The following LRP2 variants were observed in gnomAD, a reference collection of about 807,000 sequenced individuals.
LRP2 encodes LDL receptor related protein 2.
A neutral mutation model predicts 531.0 loss-of-function variants in LRP2; 172 were observed. The observed-to-expected ratio is 0.32, with a 90% confidence interval of 0.29 to 0.37. LRP2 has a LOEUF of 0.37. LRP2 is among the 10% of genes least tolerant of loss of function. LRP2 has a pLI of 1.00. For missense variants in LRP2, 5,167 were observed against 5,868.3 expected (o/e 0.88, Z 3.90); for synonymous variants, 1,992 against 2,027.6 (o/e 0.98, Z 0.47).
chr2:169,271,805 C>A, intron 15 of LRP2: 1 of 355,022 alleles, frequency 2.8e-6, no homozygotes, highest in Non-Finnish European at 3.9e-6. Flanking sequence ...AGATAATTAA[C>A]AGCAATCAGA....
rs565125824 is a variant in LRP2 at position 169,243,186 on chromosome 2, T to C, written c.3551-114A>G. 1.4e-4 allele frequency: 138 copies of C among 966,738 alleles called. No homozygotes were observed. The Middle Eastern group carries it at 1.9e-3, about 13-fold the overall frequency. 59.9% of individuals were successfully genotyped at this position (966,738 alleles called of 1,614,324 possible). A position where few individuals can be genotyped will look rare whatever the true frequency, so the allele number is the denominator to read the frequency against. On this transcript the variant is annotated intron_variant, in intron 23 of 78. Coordinates refer to ENST00000649046, the MANE Select transcript of LRP2 (RefSeq NM_004525.3). ...AGTTCTGGAGTACATATGCAGAACA[T>C]GCAGGTTTGTTACATAGGTATACAC...
intron 77 of LRP2, among the ~76,000 whole-genome samples, chr2:169,130,123 G>A (rs1401496126): frequency 1.3e-5 from 2 of 152,218 alleles, no homozygotes; most frequent in African/African-American, 2.4e-5. Flanking sequence ...TTACAGTTAA[G>A]TGGGGCGGGC....
intron 1 of LRP2, among the ~76,000 whole-genome samples, chr2:169,342,775 T>A (rs549836391): frequency 6.6e-6 from 1 of 152,022 alleles, no homozygotes; most frequent in East Asian, 1.9e-4. Context: ...GCATGTCAGT[T>A]CCTGATAAAA....
At position 169,185,685 on chromosome 2, in the gene LRP2, G is replaced by A. The variant is rs755099344; in HGVS notation, c.9663C>T (p.Leu3221=). ...CAACATTGTCCAGTCCTTCCAAGAT[G>A]AGGGAGTAAAAATAGCCATCTATAG... ...NLTIDGYFYS[L]ILEGLDNVVA... The change falls in exon 50 of 79, where the codon CTC becomes CTT. Residue 3221 remains leucine (L), a synonymous_variant. Transcript: ENST00000649046. 7 of 1,614,072 alleles carry A rather than the reference G, an allele frequency of 4.3e-6. No individual in the cohort carries two copies. The East Asian group carries it at 1.6e-4, about 36-fold the overall frequency.
chr2:169,176,123 C>T (rs745308534), intron 54 of LRP2, among the ~76,000 whole-genome samples: 1 of 152,224 alleles, frequency 6.6e-6, no homozygotes, highest in Non-Finnish European at 1.5e-5. Flanking sequence ...TACTTATATA[C>T]ACTCTGGCTC....
chr2:169,185,555 T>A lies in LRP2; in HGVS notation c.9793A>T (p.Ile3265Leu), dbSNP rs577548713. The A allele has an allele frequency of 2.5e-5, 41 of 1,613,976 alleles. No homozygotes were observed. In the South Asian group the frequency reaches 4.5e-4, roughly 18 times the overall value. ...FLNKTNKETI[I>L]NHRLPAAESL... ...TCTGCAGCTGGTAGTCTGTGGTTTATGATTGTCTCCTTGTTTGTCTTATTC... is the reference window on the plus strand; with the variant it reads ...TCTGCAGCTGGTAGTCTGTGGTTTAAGATTGTCTCCTTGTTTGTCTTATTC... The change falls in exon 50 of 79, where the codon ATA becomes TTA. Residue 3265 changes from isoleucine to leucine, a missense_variant. Ile to Leu is a conservative substitution (Grantham distance 5). Coordinates refer to ENST00000649046, the MANE Select transcript of LRP2 (RefSeq NM_004525.3).
At chr2:169,361,350 G>GTCTCTCTCTGTCTCTCTCTC (rs1559092778) in intron 1 of LRP2, among the ~76,000 whole-genome samples, 6 of 21,964 alleles carry the variant, frequency 2.7e-4, no homozygotes, top group Non-Finnish European at 4.7e-4. Flanking sequence ...GTCTCTCTCT[G>GTCTCTCTCTGTCTCTCTCTC]TCTCTCTCTC....
chr2:169,172,212 A>G (rs1441563319), intron 57 of LRP2, 78 bp from the exon 58 acceptor site: 2 of 1,542,066 alleles, frequency 1.3e-6, no homozygotes, highest in Non-Finnish European at 8.9e-7. Context: ...TCCTTGTGAG[A>G]CAGTCTGAGA....
intron 46 of LRP2, among the ~76,000 whole-genome samples, chr2:169,196,293 G>A (rs915247713): frequency 5.9e-5 from 9 of 152,148 alleles, no homozygotes; most frequent in Non-Finnish European, 1.0e-4. Flanking sequence ...TTATTGACAG[G>A]TTTTTTAAAG....
intron 16 of LRP2, 30 bp downstream of exon 16, chr2:169,270,874 C>T: frequency 6.1e-6 from 9 of 1,485,934 alleles, no homozygotes; most frequent in Non-Finnish European, 8.4e-6. Flanking sequence ...CACGCATACA[C>T]ACACACACAC....
Position 169,204,100 on chromosome 2 carries a change from C to T in LRP2, c.7887G>A (p.Met2629Ile). ...TGGGCTGGGAGAGCAAATTTGTGGT[C>T]ATTGCAATCTGACCTGACCCGTCAT... is the stretch of plus-strand genomic sequence containing the variant. ...NKYDGSGQIA[M>I]TTNLLSQPRG... The change falls in exon 42 of 79, where the codon ATG (methionine) becomes ATA (isoleucine). Residue 2629 changes from methionine (M) to isoleucine (I), a missense_variant. Coordinates refer to ENST00000649046, the MANE Select transcript of LRP2 (RefSeq NM_004525.3). The T allele has an allele frequency of 6.2e-7, 1 of 1,614,128 alleles. No homozygotes were observed. The highest frequency in any genetic ancestry group is 2.2e-5 in the East Asian group (1 of 44,880).
rs73971830 is a variant in LRP2, at chr2:169,280,325, T to C, written c.1341+25A>G. 506 of 1,613,872 alleles carry C rather than the reference T, an allele frequency of 3.1e-4. 1 individual carries two copies. The African/African-American group carries it at 5.9e-3, about 19-fold the overall frequency. ...TCAACACTTTGTGCTCAGGGTTCCA[T>C]TCAGCTACTGAAATTTCTATTTACC... On this transcript the variant is annotated intron_variant, in intron 11 of 78. Transcript: ENST00000649046.
At chr2:169,339,813 A>G (rs1165684894) in intron 1 of LRP2, among the ~76,000 whole-genome samples, 1 of 152,232 alleles carries the variant, frequency 6.6e-6, no homozygotes, top group Non-Finnish European at 1.5e-5. Flanking sequence ...CATAGAGACC[A>G]CATCTCACAA....
intron 3 of LRP2, among the ~76,000 whole-genome samples, chr2:169,313,937 T>A (rs915863321): frequency 6.6e-6 from 1 of 152,206 alleles, no homozygotes; most frequent in Non-Finnish European, 1.5e-5. Context: ...TTAGAGTCCA[T>A]AGATATCAGC....
At chr2:169,307,603 G>T (rs1165195216) in intron 3 of LRP2, among the ~76,000 whole-genome samples, 1 of 152,112 alleles carries the variant, frequency 6.6e-6, no homozygotes, top group Non-Finnish European at 1.5e-5. Context: ...ACTCAAGCAT[G>T]CTATGTACAC....
intron 10 of LRP2, among the ~76,000 whole-genome samples, chr2:169,282,025 T>C (rs759100659): frequency 1.6e-4 from 24 of 152,306 alleles, no homozygotes; most frequent in Non-Finnish European, 2.2e-4. Context: ...ACATATCTTC[T>C]TATAATTTAA....
intron 33 of LRP2, among the ~76,000 whole-genome samples, chr2:169,221,965 T>C (rs1465600567): frequency 6.6e-6 from 1 of 152,192 alleles, no homozygotes; most frequent in Non-Finnish European, 1.5e-5. Flanking sequence ...AAATTTCTTT[T>C]AGTGGATGGG....
At position 169,235,828 on chromosome 2, in the gene LRP2, C is replaced by T; in HGVS notation, c.4920+12G>A. 1 of 1,605,418 alleles carries T rather than the reference C, an allele frequency of 6.2e-7. No individual in the cohort carries two copies. The highest frequency in any genetic ancestry group is 2.2e-5 in the East Asian group (1 of 44,830). On this transcript the variant is annotated intron_variant, in intron 29 of 78. Transcript: ENST00000649046. ...TGTAGTTTTAATTTGGTTTTCCTCACCACCAACTTACCAAATCACTGGCTA... is the reference window on the plus strand; with the variant it reads ...TGTAGTTTTAATTTGGTTTTCCTCATCACCAACTTACCAAATCACTGGCTA...
intron 1 of LRP2, among the ~76,000 whole-genome samples, chr2:169,327,025 AC>A (rs1401465897): frequency 3.5e-5 from 5 of 143,734 alleles, no homozygotes; most frequent in Non-Finnish European, 7.6e-5. Context: ...CCCGGCAGCC[AC>A]CCCGTCTGGG....
Sources: gnomAD v4.1 joint callset for allele counts (sites outside exome capture counted in the v4.1 genomes callset) on GRCh38, gnomAD v4.1.1 for gene constraint, MANE v1.5 for transcripts, NCBI Gene and HGNC (gene_info 2026-07-23, HGNC 2026-07-21) for gene names.